The following EXOC3 variants were observed in gnomAD, a reference collection of about 807,000 sequenced individuals.
EXOC3 encodes the protein exocyst complex component 3.
Under a neutral mutation model 73.7 loss-of-function variants are expected in EXOC3, and 21 were observed. The ratio of observed to expected loss-of-function variants is 0.29; its 90% CI spans 0.20 to 0.41. The LOEUF (loss-of-function observed/expected upper bound fraction) is 0.41. Ranked by LOEUF, EXOC3 falls within the 10% of genes least tolerant of loss-of-function variation. EXOC3 has a pLI of 1.00. For synonymous variants in EXOC3, 410 were observed against 389.1 expected (o/e 1.05, Z -0.63); for missense variants, 842 against 985.1 (o/e 0.85, Z 1.95).
intron 6 of EXOC3, among the ~76,000 whole-genome samples, chr5:458,833 C>G (rs758254046): frequency 6.6e-6 from 1 of 152,316 alleles, no homozygotes; most frequent in African/African-American, 2.4e-5. Flanking sequence ...TGAATGATAC[C>G]GTTAGTTATT....
chr5:455,112 C>T (rs1418894388), intron 4 of EXOC3, among the ~76,000 whole-genome samples: 1 of 152,200 alleles, frequency 6.6e-6, no homozygotes, highest in East Asian at 1.9e-4. Flanking sequence ...GCCGCTCATC[C>T]TCATGGCCGC....
At chr5:457,647 G>C in intron 5 of EXOC3, 1 of 391,502 alleles carries the variant, frequency 2.6e-6, no homozygotes, top group Non-Finnish European at 4.7e-6. Context: ...GCAGCCAAAA[G>C]GGCATCTAGT....
rs563221402 is a variant in EXOC3, at chr5:452,080, A to G, written c.365-1290A>G. The stretch of plus-strand genomic sequence containing the variant: ...TCTTCATATTCATGTCTTTCATCAA[A>G]TGTGGGGAGTTTTCACCTATTATTT... On this transcript the variant is annotated intron_variant, in intron 3 of 12. Transcript: ENST00000512944. 1.5e-4 allele frequency among the ~76,000 whole-genome samples: 23 copies of G among 152,278 alleles called. No individual in the cohort carries two copies. In the South Asian group the frequency reaches 4.8e-3, roughly 32 times the overall value.
chr5:461,856 T>C, intron 7 of EXOC3, 104 bp from the exon 8 acceptor site: 1 of 721,044 alleles, frequency 1.4e-6, no homozygotes, highest in South Asian at 1.7e-5. Flanking sequence ...TCCGGTCAGA[T>C]GTTAGTGATG....
At position 462,099 on chromosome 5, in the gene EXOC3, G is replaced by A. The variant is rs1395307329; in HGVS notation, c.1502+29G>A. The A allele has an allele frequency of 1.9e-6, 3 of 1,596,794 alleles. No homozygotes were observed. In the African/African-American group the frequency reaches 4.0e-5, roughly 21 times the overall value. On this transcript the variant is annotated intron_variant, in intron 8 of 12. Coordinates refer to ENST00000512944, the MANE Select transcript of EXOC3 (RefSeq NM_007277.5). ...AGTGTGGCCGGGCGCTGTGGCGGGG[G>A]AGCGGTGGAGGCCGGCCTGCCCAGC...
Position 448,748 on chromosome 5 carries a change from T to A in EXOC3, c.364+996T>A, listed in dbSNP as rs571945022. ...AATCCGTGTCCCGTCCACCCTGTCCTCTCTGCCCTCCTCTCGTGCTTGCGG... is the reference window on the plus strand; with the variant it reads ...AATCCGTGTCCCGTCCACCCTGTCCACTCTGCCCTCCTCTCGTGCTTGCGG... On this transcript the variant is annotated intron_variant, in intron 3 of 12. Transcript: ENST00000512944. Among the ~76,000 whole-genome samples, 9 of 152,340 alleles carry A rather than the reference T, an allele frequency of 5.9e-5. No homozygotes were observed. The South Asian group carries it at 1.9e-3, about 32-fold the overall frequency.
Position 459,428 on chromosome 5 carries a change from T to C in EXOC3, c.1360T>C (p.Cys454Arg). 6.4e-7 allele frequency: 1 copy of C among 1,564,702 alleles called. No homozygotes were observed. The highest frequency in any genetic ancestry group is 8.7e-7 in the Non-Finnish European group (1 of 1,147,898). ...EDLKTKVLVLCLQQMNSFLSR... is the reference protein window; with the variant it reads ...EDLKTKVLVLRLQQMNSFLSR... ...TTTGAAAACAAAGGTACTAGTTTTA[T>C]GTCTTCAGCAGATGAATTCTTTCCT... The change falls in exon 7 of 13, where the codon TGT (cysteine) becomes CGT (arginine). Residue 454 changes from cysteine to arginine, a missense_variant. Cys to Arg is a radical substitution (Grantham distance 180). Coordinates refer to ENST00000512944, the MANE Select transcript of EXOC3 (RefSeq NM_007277.5).
chr5:454,868 A>T (rs1231340347), intron 4 of EXOC3, among the ~76,000 whole-genome samples: 581 of 110,480 alleles, frequency 5.3e-3, no homozygotes, highest in Middle Eastern at 0.012. Context: ...AATAAACCTC[A>T]TTTTTTTTTT....
intron 2 of EXOC3, 40 bp from the exon 3 acceptor site, chr5:447,493 T>C: frequency 7.0e-7 from 1 of 1,422,110 alleles, no homozygotes; most frequent in Non-Finnish European, 9.5e-7. Flanking sequence ...AGCGCATGGC[T>C]ATCATTGGCT....
chr5:456,817 G>A, intron 4 of EXOC3, 72 bp from the exon 5 acceptor site: 1 of 1,164,292 alleles, frequency 8.6e-7, no homozygotes, highest in Non-Finnish European at 1.3e-6. Flanking sequence ...AAGTGAAACA[G>A]TCTCGGCACA....
rs1560938610 is a variant in EXOC3, at chr5:457,915, T to G, written c.1180T>G (p.Trp394Gly). 1.2e-6 allele frequency: 2 copies of G among 1,608,608 alleles called. No individual in the cohort carries two copies. Among genetic ancestry groups the G allele is most frequent in the Non-Finnish European group, 1.7e-6 (2 of 1,177,198 alleles). Residue 394 changes from tryptophan to glycine, a missense_variant, in exon 6 of 13, where the codon TGG (tryptophan) becomes GGG (glycine). By Grantham distance (184) the Trp-to-Gly change is radical. Transcript: ENST00000512944. ...MSTLTSNIIAWLRKALETDKK... is the reference protein window; with the variant it reads ...MSTLTSNIIAGLRKALETDKK... ...CTTTCTTTAGTCAAACATCATCGCCTGGCTGCGGAAAGCGCTGGAGACAGA... is the reference window on the plus strand; with the variant it reads ...CTTTCTTTAGTCAAACATCATCGCCGGGCTGCGGAAAGCGCTGGAGACAGA...
chr5:447,828 T>C, intron 3 of EXOC3, 76 bp downstream of exon 3: 1 of 1,106,248 alleles, frequency 9.0e-7, no homozygotes, highest in Non-Finnish European at 1.3e-6. Context: ...CTGTGTGCAG[T>C]GTGCTTTGCA....
At chr5:458,172 T>C (rs1737878106) in intron 6 of EXOC3, 147 bp downstream of exon 6, 4 of 780,670 alleles carry the variant, frequency 5.1e-6, no homozygotes, top group Non-Finnish European at 8.0e-6. Flanking sequence ...ATCTAAGTCC[T>C]CTCCTCTCTC....
In EXOC3 at chr5:443,282, C is replaced by G. The variant is rs1023847605; in HGVS notation, c.-65C>G. 7.1e-6 allele frequency: 1 copy of G among 141,306 alleles called. No individual in the cohort carries two copies. Among genetic ancestry groups the G allele is most frequent in the African/African-American group, 2.5e-5 (1 of 40,210 alleles). The allele number at this position is 141,306 out of a possible 1,614,324, so 8.8% of individuals were successfully genotyped here. ...GGCGGCGGCGGCGGCGGCGGCGTAGCCGTAGAGGGTGAGTCGGTGGCAGGT... is the reference window on the plus strand; with the variant it reads ...GGCGGCGGCGGCGGCGGCGGCGTAGGCGTAGAGGGTGAGTCGGTGGCAGGT... On this transcript the variant is annotated 5_prime_UTR_variant, in exon 1 of 13. Transcript: ENST00000512944.
At chr5:456,786 G>C in intron 4 of EXOC3, 103 bp from the exon 5 acceptor site, 1 of 874,636 alleles carries the variant, frequency 1.1e-6, no homozygotes, top group East Asian at 2.6e-5. Context: ...AAGTCTCCAG[G>C]GTGGTGGACA....
chr5:453,552 C>A lies in EXOC3; in HGVS notation c.547C>A (p.Leu183Ile). 6.2e-7 allele frequency: 1 copy of A among 1,614,014 alleles called. No homozygotes were observed. The highest frequency in any genetic ancestry group is 8.5e-7 in the Non-Finnish European group (1 of 1,179,898). The change falls in exon 4 of 13, where the codon CTC becomes ATC. Residue 183 changes from leucine to isoleucine, a missense_variant. Coordinates refer to ENST00000512944, the MANE Select transcript of EXOC3 (RefSeq NM_007277.5). ...TGGCTACTTTGGCAGCACGCAGGGG[C>A]TCTCTGATGAGCTGGCTAAGCAGCT... is the stretch of plus-strand genomic sequence containing the variant. The part of the protein sequence containing the change: ...IHGYFGSTQG[L>I]SDELAKQLWM...
At chr5:466,249 G>A (rs1738147741) in intron 12 of EXOC3, 3 of 253,104 alleles carry the variant, frequency 1.2e-5, no homozygotes, top group Non-Finnish European at 1.5e-5. Flanking sequence ...TTCCGAGGAC[G>A]TGATTACAGG....
intron 2 of EXOC3, 193 bp from the exon 3 acceptor site, chr5:447,340 C>T: frequency 1.8e-6 from 1 of 566,528 alleles, no homozygotes; most frequent in Non-Finnish European, 3.1e-6. Context: ...TGTTCCCAGG[C>T]AGCAATGAAG....
Position 465,900 on chromosome 5 carries a change from G to A in EXOC3, c.2066+55G>A, listed in dbSNP as rs1738133530. On this transcript the variant is annotated intron_variant, in intron 12 of 12. Transcript: ENST00000512944. ...TTAGAATCCTGGAGTGGAGCGGCAG[G>A]TCCCTCCTTCTGTCTGGGGCGGGTG... is the stretch of plus-strand genomic sequence containing the variant. 1.9e-6 allele frequency: 3 copies of A among 1,551,204 alleles called. No individual in the cohort carries two copies. In the South Asian group the frequency reaches 3.6e-5, roughly 18 times the overall value.
Sources: gnomAD v4.1 joint callset for allele counts (sites outside exome capture counted in the v4.1 genomes callset) on GRCh38, gnomAD v4.1.1 for gene constraint, MANE v1.5 for transcripts, NCBI Gene and HGNC (gene_info 2026-07-23, HGNC 2026-07-21) for gene names.